KLHL32: variants seen among roughly 807,000 people sequenced by gnomAD.
KLHL32 encodes kelch like family member 32, also known as kelch-like protein 32.
Under a neutral mutation model 64.8 loss-of-function variants are expected in KLHL32, and 35 were observed. The ratio of observed to expected loss-of-function variants is 0.54; its 90% confidence interval spans 0.41 to 0.72. KLHL32 has a LOEUF of 0.72. Among genes scored for constraint, KLHL32 ranks in the 30% least tolerant of loss-of-function variants. The pLI is 0.00. For synonymous variants in KLHL32, 259 were observed against 281.0 expected (o/e 0.92, Z 0.78); for missense variants, 589 against 768.5 (o/e 0.77, Z 2.76).
At chr6:96,924,449 G>C (rs1283839501), upstream of KLHL32, among the ~76,000 whole-genome samples, 1 of 147,252 alleles carries the variant, frequency 6.8e-6, no homozygotes, top group African/African-American at 2.5e-5. Context: ...GCGGGCGCGC[G>C]CTGGCAGCTC....
rs200716195 is a variant in KLHL32, at chr6:97,132,645, T to C, written c.1607-8T>C. On this transcript the variant is annotated splice_polypyrimidine_tract_variant and splice_region_variant and intron_variant, in intron 9 of 10. Transcript: ENST00000369261. The stretch of plus-strand genomic sequence containing the variant: ...TTTTTTCTTTTTATTCAATTCTCTT[T>C]ACTTTAGGCCAAAATGAATCTGGAG... The C allele has an allele frequency of 3.8e-5, 60 of 1,591,836 alleles. No individual in the cohort carries two copies. The East Asian group carries it at 1.3e-3, about 36-fold the overall frequency.
intron 3 of KLHL32, among the ~76,000 whole-genome samples, chr6:97,001,985 T>G (rs1779093442): frequency 6.6e-6 from 1 of 152,220 alleles, no homozygotes; most frequent in Admixed American, 6.5e-5. Flanking sequence ...AATAGATAGA[T>G]AGATAGATAA....
intron 4 of KLHL32, among the ~76,000 whole-genome samples, chr6:97,060,445 C>A (rs141372789): frequency 6.6e-6 from 1 of 152,278 alleles, no homozygotes; most frequent in Non-Finnish European, 1.5e-5. Context: ...CTACTCCCAC[C>A]GCTCAGTCCC....
chr6:96,967,846 AG>A (rs990395567), intron 2 of KLHL32, among the ~76,000 whole-genome samples: 1 of 152,166 alleles, frequency 6.6e-6, no homozygotes, highest in Non-Finnish European at 1.5e-5. Context: ...TGAGATTTGA[AG>A]GGGGGCATGC....
chr6:97,139,096 A>G lies in KLHL32; in HGVS notation c.1702-25A>G, dbSNP rs1422668330. ...TTTGAGCAGTCATCTTTGATACACAAGCTTCTTCTCTTCCTCTTTTGTAGG... is the reference window on the plus strand; with the variant it reads ...TTTGAGCAGTCATCTTTGATACACAGGCTTCTTCTCTTCCTCTTTTGTAGG... On this transcript the variant is annotated intron_variant, in intron 10 of 10. Transcript: ENST00000369261. 3 of 1,596,176 alleles carry G rather than the reference A, an allele frequency of 1.9e-6. No homozygotes were observed. In the African/African-American group the frequency reaches 4.1e-5, roughly 22 times the overall value.
At chr6:96,927,863 T>A (rs1392740614) in intron 1 of KLHL32, among the ~76,000 whole-genome samples, 1 of 152,220 alleles carries the variant, frequency 6.6e-6, no homozygotes, top group East Asian at 1.9e-4. Flanking sequence ...ACACTGCTCC[T>A]GGCAGCGTCC....
chr6:97,011,679 A>T (rs1780424010), intron 3 of KLHL32, among the ~76,000 whole-genome samples: 1 of 152,232 alleles, frequency 6.6e-6, no homozygotes, highest in African/African-American at 2.4e-5. Context: ...TAAGCATCCG[A>T]GTCATTACAA....
At chr6:96,996,639 G>A (rs1778450075) in intron 3 of KLHL32, among the ~76,000 whole-genome samples, 1 of 152,026 alleles carries the variant, frequency 6.6e-6, no homozygotes. Flanking sequence ...ACCAGTTTTG[G>A]CGTGGTATTT....
At chr6:96,994,892 G>A (rs954923914) in intron 3 of KLHL32, among the ~76,000 whole-genome samples, 8 of 152,208 alleles carry the variant, frequency 5.3e-5, no homozygotes, top group African/African-American at 1.9e-4. Context: ...GAGCTTATGA[G>A]TCAGATTTGA....
intron 10 of KLHL32, among the ~76,000 whole-genome samples, chr6:97,138,529 C>G (rs969717043): frequency 6.6e-6 from 1 of 151,472 alleles, no homozygotes; most frequent in East Asian, 1.9e-4. Flanking sequence ...GACCCTGTCT[C>G]AAAACAAAAA....
intron 5 of KLHL32, among the ~76,000 whole-genome samples, chr6:97,075,299 T>A (rs1340959603): frequency 1.3e-5 from 2 of 152,224 alleles, no homozygotes; most frequent in Non-Finnish European, 2.9e-5. Context: ...TATCAATGTT[T>A]GAATATATCA....
chr6:97,074,245 G>A (rs1791227424), intron 5 of KLHL32, among the ~76,000 whole-genome samples: 1 of 152,174 alleles, frequency 6.6e-6, no homozygotes, highest in South Asian at 2.1e-4. Flanking sequence ...CCTGTTTCAG[G>A]AGGTCTGGGG....
chr6:96,988,719 GATAGA>G (rs1318100083), intron 3 of KLHL32, among the ~76,000 whole-genome samples: 1 of 152,190 alleles, frequency 6.6e-6, no homozygotes, highest in Non-Finnish European at 1.5e-5. Context: ...GTCCAACAAT[GATAGA>G]CTGGATTAAG....
intron 3 of KLHL32, among the ~76,000 whole-genome samples, chr6:97,026,653 A>T (rs1054041722): frequency 6.6e-6 from 1 of 152,166 alleles, no homozygotes; most frequent in Admixed American, 6.5e-5. Flanking sequence ...GGGCATCTAT[A>T]TTTATGGTCA....
chr6:97,044,552 T>A (rs56073347), intron 4 of KLHL32, among the ~76,000 whole-genome samples: 3,722 of 152,252 alleles, frequency 0.024, 50 homozygotes, highest in East Asian at 0.071. Flanking sequence ...TTCTTTAATT[T>A]TCTGAAAGAG....
intron 1 of KLHL32, among the ~76,000 whole-genome samples, chr6:96,961,503 G>A (rs1181129893): frequency 1.3e-5 from 2 of 152,094 alleles, no homozygotes; most frequent in African/African-American, 4.8e-5. Context: ...GTTACTGGCT[G>A]GGCTCGTTCT....
intron 3 of KLHL32, among the ~76,000 whole-genome samples, chr6:97,028,902 G>C (rs976869298): frequency 2.0e-5 from 3 of 152,224 alleles, no homozygotes; most frequent in Non-Finnish European, 4.4e-5. Flanking sequence ...GTGATCCCAC[G>C]TTCAGGGGAT....
chr6:97,069,313 A>AT (rs1197595062), intron 5 of KLHL32, among the ~76,000 whole-genome samples: 4 of 150,844 alleles, frequency 2.7e-5, no homozygotes, highest in African/African-American at 9.7e-5. Flanking sequence ...AAAATTAGTT[A>AT]TTTTCTCTCT....
intron 6 of KLHL32, among the ~76,000 whole-genome samples, chr6:97,100,375 C>G (rs534169360): frequency 5.3e-5 from 8 of 152,136 alleles, no homozygotes; most frequent in Non-Finnish European, 1.2e-4. Flanking sequence ...AGCTCACTGA[C>G]AGTGTAGACC....
Sources: allele counts gnomAD v4.1 joint callset (sites outside exome capture counted in the v4.1 genomes callset), GRCh38; gene constraint gnomAD v4.1.1; transcripts MANE v1.5; gene names NCBI Gene and HGNC (gene_info 2026-07-23, HGNC 2026-07-21).